The following CALN1 variants were observed in gnomAD, a reference collection of about 807,000 sequenced individuals.
CALN1 encodes calcium-binding protein 8.
A neutral mutation model predicts 30.6 loss-of-function variants in CALN1; 17 were observed. The observed-to-expected ratio is 0.56, with a 90% CI of 0.38 to 0.83. CALN1 has a LOEUF of 0.83. Among genes scored for constraint, CALN1 ranks in the 40% least tolerant of loss-of-function variants. The pLI, the probability that CALN1 is intolerant of heterozygous loss-of-function variation, is 0.00. For missense variants in CALN1, 291 were observed against 354.9 expected (o/e 0.82, Z 1.45); for synonymous variants, 156 against 131.4 (o/e 1.19, Z -1.28).
At chr7:72,224,873 G>A (rs1186911014) in intron 3 of CALN1, among the ~76,000 whole-genome samples, 1 of 151,944 alleles carries the variant, frequency 6.6e-6, no homozygotes, top group Non-Finnish European at 1.5e-5. Flanking sequence ...TGAATCACGA[G>A]GTCAGGAGAT....
At chr7:72,222,081 C>T (rs115336570) in intron 3 of CALN1, among the ~76,000 whole-genome samples, 3,542 of 152,032 alleles carry the variant, frequency 0.023, 138 homozygotes, top group African/African-American at 0.08. Flanking sequence ...CAAAAATTAG[C>T]CAAGTATGGG....
At chr7:72,479,552 ATTT>A in the CALN1 span, among the ~76,000 whole-genome samples, 12 of 130,748 alleles carry the variant, frequency 9.2e-5, no homozygotes, top group South Asian at 2.5e-4. Context: ...TTATAGCACA[ATTT>A]TTTTTTTTTT....
chr7:71,836,159 G>A (rs747405052), intron 5 of CALN1, among the ~76,000 whole-genome samples: 1 of 152,204 alleles, frequency 6.6e-6, no homozygotes, highest in African/African-American at 2.4e-5. Context: ...TCCCAGCTGA[G>A]CCCAGCCTGG....
At chr7:72,408,660 AATT>A (rs973729411) in intron 1 of CALN1, among the ~76,000 whole-genome samples, 7 of 133,804 alleles carry the variant, frequency 5.2e-5, no homozygotes, top group East Asian at 2.2e-4. Context: ...AATGACCACC[AATT>A]ATTATCTTTT....
At chr7:71,908,232 C>T (rs1794243959) in intron 5 of CALN1, among the ~76,000 whole-genome samples, 1 of 152,134 alleles carries the variant, frequency 6.6e-6, no homozygotes, top group Non-Finnish European at 1.5e-5. Context: ...ATTTTTGGTC[C>T]TCATCTCCCA....
chr7:72,379,057 T>C (rs533154583), intron 2 of CALN1, among the ~76,000 whole-genome samples: 3 of 152,358 alleles, frequency 2.0e-5, no homozygotes, highest in East Asian at 1.9e-4. Flanking sequence ...CTTGGTTGTG[T>C]TGGATTATCC....
At chr7:72,184,006 A>AT (rs1790003007) in intron 3 of CALN1, among the ~76,000 whole-genome samples, 1 of 152,096 alleles carries the variant, frequency 6.6e-6, no homozygotes, top group African/African-American at 2.4e-5. Flanking sequence ...AGTTAAGAAA[A>AT]TTGAATTTAC....
chr7:71,951,657 C>T (rs1288238268), intron 5 of CALN1, among the ~76,000 whole-genome samples: 1 of 152,090 alleles, frequency 6.6e-6, no homozygotes, highest in Non-Finnish European at 1.5e-5. Context: ...CAAGTTTTTC[C>T]AGCTTCTGCA....
intron 2 of CALN1, among the ~76,000 whole-genome samples, chr7:72,397,412 G>T (rs148439824): frequency 1.3e-5 from 2 of 152,082 alleles, no homozygotes; most frequent in African/African-American, 4.8e-5. Flanking sequence ...TGAAGTTGAG[G>T]CAACAAGAGG....
intron 4 of CALN1, among the ~76,000 whole-genome samples, chr7:72,067,764 G>A (rs1005348397): frequency 1.3e-5 from 2 of 152,110 alleles, no homozygotes; most frequent in African/African-American, 2.4e-5. Context: ...CCTGGGCAGC[G>A]GCACTTGGTA....
intron 3 of CALN1, among the ~76,000 whole-genome samples, chr7:72,277,933 C>A (rs868841425): frequency 5.5e-5 from 8 of 145,332 alleles, no homozygotes; most frequent in African/African-American, 2.0e-4. Context: ...CGAGGGAAAA[C>A]TGATTCTGGT....
intron 2 of CALN1, among the ~76,000 whole-genome samples, chr7:72,301,326 G>C (rs1585411733): frequency 6.6e-6 from 1 of 151,992 alleles, no homozygotes; most frequent in South Asian, 2.1e-4. Flanking sequence ...AAAGCAAGCA[G>C]GCCGGGCTGG....
intron 4 of CALN1, among the ~76,000 whole-genome samples, chr7:72,034,888 C>T (rs1801697967): frequency 6.8e-6 from 1 of 147,964 alleles, no homozygotes; most frequent in African/African-American, 2.5e-5. Flanking sequence ...AAGCAAGGTA[C>T]AGAACTGTAT....
chr7:72,071,734 A>C (rs1383398109), intron 4 of CALN1, among the ~76,000 whole-genome samples: 2 of 152,236 alleles, frequency 1.3e-5, no homozygotes, highest in African/African-American at 2.4e-5. Context: ...CATACAAAGA[A>C]ACAGGAAAGT....
chr7:71,851,747 T>C (rs991588879), intron 5 of CALN1, among the ~76,000 whole-genome samples: 2 of 152,042 alleles, frequency 1.3e-5, no homozygotes, highest in African/African-American at 4.8e-5. Flanking sequence ...GGATCTAAGA[T>C]GGTGTCCTAC....
intron 5 of CALN1, chr7:71,942,183 G>C: frequency 6.1e-6 from 1 of 163,908 alleles, no homozygotes; most frequent in South Asian, 1.3e-4. Flanking sequence ...GGGAGACAGA[G>C]CAAGTCTCTG....
intron 2 of CALN1, among the ~76,000 whole-genome samples, chr7:72,398,107 CAAG>C (rs1357315728): frequency 1.1e-4 from 16 of 152,052 alleles, no homozygotes; most frequent in Non-Finnish European, 1.6e-4. Flanking sequence ...GGAAGAGAGG[CAAG>C]AAGAGGAGAA....
intron 4 of CALN1, among the ~76,000 whole-genome samples, chr7:72,059,410 C>T (rs1198935085): frequency 1.3e-5 from 2 of 152,004 alleles, no homozygotes; most frequent in Non-Finnish European, 2.9e-5. Context: ...CCTGACAATC[C>T]CTCATACTTA....
intron 5 of CALN1, among the ~76,000 whole-genome samples, chr7:71,955,692 T>C (rs1276137047): frequency 1.3e-5 from 2 of 152,100 alleles, no homozygotes; most frequent in East Asian, 3.9e-4. Context: ...ATCTTAAGTT[T>C]TGAGCATGCC....
Sources: gnomAD v4.1 joint callset for allele counts (sites outside exome capture counted in the v4.1 genomes callset) on GRCh38, gnomAD v4.1.1 for gene constraint, MANE v1.5 for transcripts, NCBI Gene and HGNC (gene_info 2026-07-23, HGNC 2026-07-21) for gene names.